Variants in DTD1 observed in about 807,000 individuals in gnomAD.
The protein encoded by DTD1 is D-aminoacyl-tRNA deacylase 1, also known as D-tyrosyl-tRNA deacylase 1 homolog.
A neutral mutation model predicts 25.6 loss-of-function variants in DTD1; 13 were observed. The observed-to-expected ratio is 0.51, with a 90% CI of 0.33 to 0.81. The LOEUF (loss-of-function observed/expected upper bound fraction) is 0.81. DTD1 is among the 30% of genes least tolerant of loss of function. The probability of loss-of-function intolerance (pLI) is 0.02; values close to 1 mark genes in which losing one functional copy is unlikely to be tolerated. For synonymous variants in DTD1, 110 were observed against 103.6 expected (o/e 1.06, Z -0.37); for missense variants, 193 against 266.4 (o/e 0.72, Z 1.92).
At chr20:18,715,161 A>G (rs1170755556) in intron 4 of DTD1, among the ~76,000 whole-genome samples, 1 of 152,104 alleles carries the variant, frequency 6.6e-6, no homozygotes, top group Non-Finnish European at 1.5e-5. Context: ...AGTAGTGACC[A>G]ACTACTGTCA....
intron 4 of DTD1, chr20:18,674,746 C>T (rs1189041793): frequency 1.2e-4 from 19 of 152,586 alleles, no homozygotes; most frequent in Admixed American, 1.2e-3. Flanking sequence ...AAATCTGCCC[C>T]TGCCTCTGCC....
intron 3 of DTD1, among the ~76,000 whole-genome samples, chr20:18,621,860 C>A (rs1003202037): frequency 6.6e-6 from 1 of 152,042 alleles, no homozygotes; most frequent in African/African-American, 2.4e-5. Context: ...GTCAGGAGAT[C>A]GAGACTATCC....
intron 4 of DTD1, among the ~76,000 whole-genome samples, chr20:18,644,390 G>T (rs1012027966): frequency 2.8e-4 from 42 of 152,152 alleles, no homozygotes; most frequent in African/African-American, 9.2e-4. Context: ...CACTGAGTGA[G>T]AATTATTGTT....
intron 4 of DTD1, among the ~76,000 whole-genome samples, chr20:18,648,342 A>G (rs753041604): frequency 6.6e-6 from 1 of 152,174 alleles, no homozygotes; most frequent in Non-Finnish European, 1.5e-5. Context: ...ACCCCAAGCC[A>G]ATGACACCAG....
chr20:18,713,833 AC>A (rs1448602861), intron 4 of DTD1, among the ~76,000 whole-genome samples: 8 of 152,110 alleles, frequency 5.3e-5, no homozygotes, highest in African/African-American at 1.9e-4. Context: ...GGCAGGTTAT[AC>A]CCTCATTTTG....
At chr20:18,607,570 T>C (rs2060665646) in intron 3 of DTD1, among the ~76,000 whole-genome samples, 1 of 152,214 alleles carries the variant, frequency 6.6e-6, no homozygotes, top group African/African-American at 2.4e-5. Context: ...TTGTAGAGAA[T>C]TGGTATAATT....
At chr20:18,611,877 C>T (rs533220622) in intron 3 of DTD1, among the ~76,000 whole-genome samples, 45 of 152,122 alleles carry the variant, frequency 3.0e-4, no homozygotes, top group Non-Finnish European at 5.4e-4. Flanking sequence ...ATTTTTGAGA[C>T]GGAGTCTTGC....
chr20:18,744,627 A>C (rs1305457243), intron 5 of DTD1, among the ~76,000 whole-genome samples: 2 of 88,084 alleles, frequency 2.3e-5, no homozygotes, highest in South Asian at 5.1e-4. Flanking sequence ...ACAGAGCAAG[A>C]CTCCATCTCA....
At chr20:18,741,134 C>G (rs2061276309) in intron 4 of DTD1, among the ~76,000 whole-genome samples, 1 of 152,196 alleles carries the variant, frequency 6.6e-6, no homozygotes, top group African/African-American at 2.4e-5. Context: ...CGGCATCTTA[C>G]TTTTTAAAAC....
chr20:18,637,693 G>A (rs1012614079), intron 4 of DTD1, among the ~76,000 whole-genome samples: 1 of 152,200 alleles, frequency 6.6e-6, no homozygotes, highest in Non-Finnish European at 1.5e-5. Context: ...ATTCATGAAT[G>A]TGGAGGCTTC....
chr20:18,732,343 G>T (rs573675947), intron 4 of DTD1, among the ~76,000 whole-genome samples: 1 of 152,294 alleles, frequency 6.6e-6, no homozygotes, highest in South Asian at 2.1e-4. Flanking sequence ...CTCTGTTACA[G>T]TTCATGATTA....
chr20:18,697,573 A>G (rs1315807923), intron 4 of DTD1, among the ~76,000 whole-genome samples: 1 of 152,234 alleles, frequency 6.6e-6, no homozygotes, highest in Non-Finnish European at 1.5e-5. Flanking sequence ...TTCTCCAGTG[A>G]AATTCACTTT....
At chr20:18,593,016 G>A (rs370344048) in intron 1 of DTD1, among the ~76,000 whole-genome samples, 64 of 152,160 alleles carry the variant, frequency 4.2e-4, no homozygotes, top group African/African-American at 1.3e-3. Context: ...TTGAGGTATC[G>A]TCTAGTGGTA....
rs376347084 is a variant in DTD1, at chr20:18,752,986, G to A, written c.*19+8715G>A. ...ACCTTATTTATTAGAAAATAAATTG[G>A]CCATTACCTTATTGATTAGAAAATA... On this transcript the variant is annotated intron_variant, in intron 5 of 5. Transcript: ENST00000377452. Among the ~76,000 whole-genome samples, 4 of 152,234 alleles carry A rather than the reference G, an allele frequency of 2.6e-5. No homozygotes were observed. The East Asian group carries it at 7.7e-4, about 29-fold the overall frequency.
intron 5 of DTD1, among the ~76,000 whole-genome samples, chr20:18,758,212 C>A (rs556013396): frequency 6.6e-6 from 1 of 152,034 alleles, no homozygotes; most frequent in Non-Finnish European, 1.5e-5. Flanking sequence ...TTGATCTTTT[C>A]AAAAAACCAG....
At chr20:18,741,833 C>T (rs931457516) in intron 4 of DTD1, among the ~76,000 whole-genome samples, 11 of 151,926 alleles carry the variant, frequency 7.2e-5, no homozygotes, top group Admixed American at 7.2e-4. Context: ...AGCGATCCTC[C>T]CGTCTCAGCC....
At chr20:18,763,337 C>T (rs1321969009) in intron 5 of DTD1, 23 bp from the exon 6 acceptor site, 1 of 152,642 alleles carries the variant, frequency 6.6e-6, no homozygotes, top group East Asian at 1.9e-4. Flanking sequence ...TTCTTAATAA[C>T]GTGTCTTCTT....
chr20:18,686,689 A>G (rs1374709292), intron 4 of DTD1, among the ~76,000 whole-genome samples: 1 of 147,548 alleles, frequency 6.8e-6, no homozygotes, highest in Non-Finnish European at 1.5e-5. Flanking sequence ...GTGTGTGTGC[A>G]TGTGCATTTG....
chr20:18,618,117 A>G (rs147243290), intron 3 of DTD1, among the ~76,000 whole-genome samples: 21 of 152,314 alleles, frequency 1.4e-4, no homozygotes, highest in African/African-American at 4.3e-4. Flanking sequence ...AATGGGATAG[A>G]CGGTGCCAGA....
Sources: gnomAD v4.1 joint callset for allele counts (sites outside exome capture counted in the v4.1 genomes callset) on GRCh38, gnomAD v4.1.1 for gene constraint, MANE v1.5 for transcripts, NCBI Gene and HGNC (gene_info 2026-07-23, HGNC 2026-07-21) for gene names.